PREX2: variants seen among roughly 807,000 people sequenced by gnomAD.
PREX2 encodes phosphatidylinositol-3,4,5-trisphosphate dependent Rac exchange factor 2.
A neutral mutation model predicts 203.2 loss-of-function variants in PREX2; 107 were observed. The ratio of observed to expected loss-of-function variants is 0.53; its 90% CI spans 0.45 to 0.62. The LOEUF is 0.62. Among genes scored for constraint, PREX2 ranks in the 20% least tolerant of loss-of-function variants. The pLI, the probability that PREX2 is intolerant of heterozygous loss-of-function variation, is 0.00. For missense variants in PREX2, 1,777 were observed against 1,955.9 expected, an observed-to-expected ratio of 0.91 and a Z score of 1.72; for synonymous variants, 672 against 663.6, an observed-to-expected ratio of 1.01 and a Z score of -0.19.
In PREX2 at chr8:68,146,267, C is replaced by T; in HGVS notation, c.4146C>T (p.Tyr1382=). 1 of 1,611,830 alleles carries T rather than the reference C, an allele frequency of 6.2e-7. No individual in the cohort carries two copies. Reference sequence around the variant, plus strand: ...GGCAAGCTCTGAAAGTTTACTTCTACATTGATAGTTATCATTTTGAACAAC... The same window carrying T: ...GGCAAGCTCTGAAAGTTTACTTCTATATTGATAGTTATCATTTTGAACAAC... The part of the protein sequence containing the change: ...GSRQALKVYF[Y]IDSYHFEQLP... The change falls in exon 34 of 40, where the codon TAC becomes TAT. Residue 1382 remains tyrosine (Y), a synonymous_variant. Coordinates refer to ENST00000288368, the MANE Select transcript of PREX2 (RefSeq NM_024870.4).
chr8:68,208,152 A>G (rs1297715841), intron 37 of PREX2, among the ~76,000 whole-genome samples: 2 of 152,204 alleles, frequency 1.3e-5, no homozygotes, highest in African/African-American at 2.4e-5. Context: ...CAATCTAGGC[A>G]GGAGATGATA....
At chr8:68,034,934 T>C (rs1358360450) in intron 6 of PREX2, among the ~76,000 whole-genome samples, 1 of 152,134 alleles carries the variant, frequency 6.6e-6, no homozygotes, top group Non-Finnish European at 1.5e-5. Flanking sequence ...TCTTTGTTAT[T>C]TGAGGATAAG....
chr8:68,020,094 G>A (rs1807524549), intron 3 of PREX2, among the ~76,000 whole-genome samples: 1 of 150,546 alleles, frequency 6.6e-6, no homozygotes, highest in Non-Finnish European at 1.5e-5. Context: ...CAAACCTGGA[G>A]TTGAATAAAC....
At chr8:68,022,559 A>G (rs1387715413) in intron 4 of PREX2, among the ~76,000 whole-genome samples, 1 of 152,164 alleles carries the variant, frequency 6.6e-6, no homozygotes, top group Non-Finnish European at 1.5e-5. Flanking sequence ...TACATTTCTT[A>G]TTTTGTTTTC....
chr8:68,073,845 A>G (rs1809269658), intron 14 of PREX2, among the ~76,000 whole-genome samples: 1 of 152,144 alleles, frequency 6.6e-6, no homozygotes, highest in African/African-American at 2.4e-5. Flanking sequence ...TGAAGCAAAA[A>G]CTGATGCTGA....
intron 1 of PREX2, among the ~76,000 whole-genome samples, chr8:67,959,022 C>G (rs998169088): frequency 6.6e-6 from 1 of 152,100 alleles, no homozygotes; most frequent in Admixed American, 6.5e-5. Flanking sequence ...TTGAAACCAT[C>G]AATTGAGTGA....
Position 68,032,826 on chromosome 8 carries a change from C to G in PREX2, c.705+2168C>G, listed in dbSNP as rs114615780. 5.0e-3 allele frequency among the ~76,000 whole-genome samples: 765 copies of G among 152,232 alleles called. 5 individuals are homozygous for G. Among genetic ancestry groups the G allele is most frequent in the African/African-American group, 0.017 (721 of 41,554 alleles). On this transcript the variant is annotated intron_variant, in intron 6 of 39. Coordinates refer to ENST00000288368, the MANE Select transcript of PREX2 (RefSeq NM_024870.4). Reference sequence around the variant, plus strand: ...GAAGTTCAGACGTAGGGTGGCATGACAGTTACAGAATGCAGAGTTCCCTGA... The same window carrying G: ...GAAGTTCAGACGTAGGGTGGCATGAGAGTTACAGAATGCAGAGTTCCCTGA...
At chr8:67,952,965 G>C (rs57824205) in intron 1 of PREX2, among the ~76,000 whole-genome samples, 5,124 of 152,176 alleles carry the variant, frequency 0.034, 246 homozygotes, top group African/African-American at 0.1. Context: ...CTACATCCAG[G>C]TACACTAAGT....
Position 68,069,042 on chromosome 8 carries a change from A to G in PREX2, c.1349A>G (p.Lys450Arg). The G allele has an allele frequency of 7.0e-7, 1 of 1,436,066 alleles. No homozygotes were observed. Among genetic ancestry groups the G allele is most frequent in the Non-Finnish European group, 9.4e-7 (1 of 1,058,774 alleles). The allele number at this position is 1,436,066 out of a possible 1,614,324, so 89.0% of individuals were successfully genotyped here. A position where few individuals can be genotyped will look rare whatever the true frequency, so the allele number is the denominator to read the frequency against. ...ENGIIHHVTD[K>R]HQFKPEQMLY... ...ATTTCTATGTTCTTAGTTACTGATAAACATCAATTCAAACCAGAACAGATG... is the reference window on the plus strand; with the variant it reads ...ATTTCTATGTTCTTAGTTACTGATAGACATCAATTCAAACCAGAACAGATG... The change falls in exon 12 of 40, where the codon AAA becomes AGA. Residue 450 changes from lysine (K) to arginine (R), a missense_variant. By Grantham distance (26) the Lys-to-Arg change is conservative. Transcript: ENST00000288368.
At chr8:68,212,607 G>C (rs956942919) in intron 37 of PREX2, among the ~76,000 whole-genome samples, 4 of 152,116 alleles carry the variant, frequency 2.6e-5, no homozygotes, top group African/African-American at 9.7e-5. Context: ...AATAATTTTT[G>C]TTACTTTATG....
At position 68,170,655 on chromosome 8, in the gene PREX2, T is replaced by G. The variant is rs867347856; in HGVS notation, c.4346+13219T>G. Among the ~76,000 whole-genome samples, 7 of 152,334 alleles carry G rather than the reference T, an allele frequency of 4.6e-5. No homozygotes were observed. The South Asian group carries it at 1.0e-3, about 23-fold the overall frequency. On this transcript the variant is annotated intron_variant, in intron 35 of 39. Coordinates refer to ENST00000288368, the MANE Select transcript of PREX2 (RefSeq NM_024870.4). ...TTCTATTTATTGAAGAGTAACAGCATGTAAAGTGTTTAACTCTGGAATTCT... is the reference window on the plus strand; with the variant it reads ...TTCTATTTATTGAAGAGTAACAGCAGGTAAAGTGTTTAACTCTGGAATTCT...
intron 1 of PREX2, among the ~76,000 whole-genome samples, chr8:67,962,308 T>G (rs1805653941): frequency 6.6e-6 from 1 of 152,114 alleles, no homozygotes. Context: ...CCTTTTCTTA[T>G]TTGAGACTGT....
intron 1 of PREX2, among the ~76,000 whole-genome samples, chr8:67,986,587 G>A (rs1260964539): frequency 6.6e-6 from 1 of 152,148 alleles, no homozygotes; most frequent in African/African-American, 2.4e-5. Flanking sequence ...TATCTCATTG[G>A]GTTTAAGTCA....
intron 21 of PREX2, among the ~76,000 whole-genome samples, chr8:68,095,684 G>A (rs377410495): frequency 1.5e-4 from 22 of 149,286 alleles, no homozygotes; most frequent in Admixed American, 8.7e-4. Flanking sequence ...GCTAGAGTGC[G>A]GTAGTGTAGT....
chr8:67,974,008 C>T (rs1363613296), intron 1 of PREX2, among the ~76,000 whole-genome samples: 1 of 152,258 alleles, frequency 6.6e-6, no homozygotes, highest in South Asian at 2.1e-4. Context: ...ATGTCTATTA[C>T]ATACTAGGTG....
chr8:68,132,361 A>C (rs1811025202), intron 31 of PREX2, among the ~76,000 whole-genome samples: 1 of 151,880 alleles, frequency 6.6e-6, no homozygotes, highest in African/African-American at 2.4e-5. Context: ...CATGGGGCAC[A>C]TGTTGTTGGT....
intron 24 of PREX2, chr8:68,109,034 C>A: frequency 2.2e-6 from 1 of 452,616 alleles, no homozygotes; most frequent in Non-Finnish European, 4.4e-6. Context: ...TGGTGAGTAG[C>A]AGGGCCTGGG....
chr8:68,012,693 T>C (rs1807299052), intron 1 of PREX2, among the ~76,000 whole-genome samples: 1 of 152,212 alleles, frequency 6.6e-6, no homozygotes, highest in African/African-American at 2.4e-5. Context: ...TTGAATGTTG[T>C]CATGGAAGTT....
At chr8:68,102,688 T>C (rs1027724095) in intron 23 of PREX2, 2 of 351,928 alleles carry the variant, frequency 5.7e-6, no homozygotes, top group African/African-American at 2.1e-5. Flanking sequence ...GAAACTAAAA[T>C]CTCAAAGATG....
Sources: gnomAD v4.1 joint callset for allele counts (sites outside exome capture counted in the v4.1 genomes callset) on GRCh38, gnomAD v4.1.1 for gene constraint, MANE v1.5 for transcripts, NCBI Gene and HGNC (gene_info 2026-07-23, HGNC 2026-07-21) for gene names.